The following SGCZ variants were observed in gnomAD, a reference collection of about 807,000 sequenced individuals.
SGCZ encodes zeta-sarcoglycan.
In SGCZ, 40 loss-of-function variants were observed where a neutral mutation model predicts 41.3. That is an observed-to-expected ratio of 0.97 (90% CI 0.75 to 1.26). The LOEUF (loss-of-function observed/expected upper bound fraction) is 1.26, where lower values mean the gene tolerates loss of function less well. Ranked by LOEUF, SGCZ falls within the 50% of genes most tolerant of loss-of-function variation. The pLI is 0.00. For missense variants in SGCZ, 552 were observed against 369.8 expected, an observed-to-expected ratio of 1.49 and a Z score of -4.04; for synonymous variants, 206 against 137.5, an observed-to-expected ratio of 1.50 and a Z score of -3.49.
At chr8:14,368,004 T>C (rs984130833) in intron 2 of SGCZ, among the ~76,000 whole-genome samples, 1 of 152,114 alleles carries the variant, frequency 6.6e-6, no homozygotes, top group African/African-American at 2.4e-5. Context: ...GAGTTTTATA[T>C]CTATTTTAAT....
At chr8:14,383,694 C>A (rs1804456901) in intron 2 of SGCZ, among the ~76,000 whole-genome samples, 1 of 152,108 alleles carries the variant, frequency 6.6e-6, no homozygotes, top group African/African-American at 2.4e-5. Context: ...ATGTTAAGAG[C>A]AAACACTGGT....
chr8:14,131,403 AGTT>A (rs1212614297), intron 5 of SGCZ, among the ~76,000 whole-genome samples: 7 of 152,168 alleles, frequency 4.6e-5, no homozygotes, highest in African/African-American at 4.8e-5. Flanking sequence ...TTGGTTGACA[AGTT>A]GTTGTTGTTT....
intron 1 of SGCZ, among the ~76,000 whole-genome samples, chr8:15,054,601 T>C (rs1041196546): frequency 3.9e-5 from 6 of 152,202 alleles, no homozygotes; most frequent in African/African-American, 1.4e-4. Context: ...TACTTGAATG[T>C]GTTAGCTCTA....
At chr8:15,056,527 C>A (rs117200330) in intron 1 of SGCZ, among the ~76,000 whole-genome samples, 5,901 of 149,288 alleles carry the variant, frequency 0.04, 150 homozygotes, top group Non-Finnish European at 0.057. Flanking sequence ...GTCTTCTTTG[C>A]CTTAATGTAG....
chr8:14,346,458 C>T (rs1802894132), intron 2 of SGCZ, among the ~76,000 whole-genome samples: 1 of 151,904 alleles, frequency 6.6e-6, no homozygotes, highest in African/African-American at 2.4e-5. Context: ...TGAAAAAGAA[C>T]TATATATAAA....
chr8:14,324,046 G>A (rs1021495308), intron 3 of SGCZ, 57 bp downstream of exon 3: 1 of 1,241,680 alleles, frequency 8.1e-7, no homozygotes, highest in Non-Finnish European at 1.2e-6. Context: ...GCTATTTCAA[G>A]CTAAAACATA....
At chr8:14,273,071 T>G (rs1256505633) in intron 3 of SGCZ, among the ~76,000 whole-genome samples, 1 of 152,018 alleles carries the variant, frequency 6.6e-6, no homozygotes, top group East Asian at 1.9e-4. Context: ...TGTATACAAT[T>G]TCTTAATTTT....
At chr8:14,163,010 A>C (rs1804093346) in intron 5 of SGCZ, among the ~76,000 whole-genome samples, 1 of 152,152 alleles carries the variant, frequency 6.6e-6, no homozygotes, top group Admixed American at 6.5e-5. Context: ...AGCTGGGACT[A>C]TGGACACACA....
intron 1 of SGCZ, among the ~76,000 whole-genome samples, chr8:14,600,586 A>G (rs899684572): frequency 6.6e-6 from 1 of 152,254 alleles, no homozygotes; most frequent in Admixed American, 6.5e-5. Context: ...CCACAGGAGG[A>G]TGCAGGTATA....
At chr8:14,612,374 G>A (rs953764793) in intron 1 of SGCZ, among the ~76,000 whole-genome samples, 5 of 152,154 alleles carry the variant, frequency 3.3e-5, no homozygotes, top group Non-Finnish European at 7.3e-5. Flanking sequence ...TGAAAAAGGT[G>A]TTTGCTTCCC....
At chr8:15,044,776 G>C (rs1804241680) in intron 1 of SGCZ, among the ~76,000 whole-genome samples, 1 of 151,968 alleles carries the variant, frequency 6.6e-6, no homozygotes, top group Non-Finnish European at 1.5e-5. Context: ...GGGTGGGTAG[G>C]GTTAGGAAGA....
chr8:14,492,337 GTTTC>G (rs1262481838), intron 2 of SGCZ, among the ~76,000 whole-genome samples: 1 of 152,056 alleles, frequency 6.6e-6, no homozygotes, highest in Admixed American at 6.6e-5. Context: ...TAAAAATTAT[GTTTC>G]TTTGTGTATT....
intron 5 of SGCZ, among the ~76,000 whole-genome samples, chr8:14,134,122 C>T (rs998969462): frequency 1.3e-5 from 2 of 152,136 alleles, no homozygotes; most frequent in African/African-American, 4.8e-5. Context: ...TAACAATTGA[C>T]AAATATCTAT....
At chr8:14,384,251 T>A (rs904921308) in intron 2 of SGCZ, among the ~76,000 whole-genome samples, 1 of 152,150 alleles carries the variant, frequency 6.6e-6, no homozygotes, top group Non-Finnish European at 1.5e-5. Context: ...TTGCTGAGAA[T>A]GATGGTTTCC....
At chr8:14,103,745 T>C (rs1563128376) in intron 6 of SGCZ, among the ~76,000 whole-genome samples, 1 of 152,136 alleles carries the variant, frequency 6.6e-6, no homozygotes, top group South Asian at 2.1e-4. Flanking sequence ...GGGTGAGGTT[T>C]TGAATGTGTC....
intron 2 of SGCZ, among the ~76,000 whole-genome samples, chr8:14,492,427 T>C (rs1235860620): frequency 6.6e-6 from 1 of 152,198 alleles, no homozygotes; most frequent in Non-Finnish European, 1.5e-5. Context: ...AGAAAATCAG[T>C]AAATGTTTAG....
chr8:14,099,614 A>G (rs1801949409), intron 7 of SGCZ, among the ~76,000 whole-genome samples: 1 of 152,018 alleles, frequency 6.6e-6, no homozygotes. Flanking sequence ...AATCCCACCT[A>G]CTAGGGAGGC....
chr8:14,190,746 G>C lies in SGCZ; in HGVS notation c.425-26044C>G, dbSNP rs916410805. On this transcript the variant is annotated intron_variant, in intron 4 of 7. Transcript: ENST00000382080. ...GCCTCCCAAGTAGCTGGGACTACAG[G>C]TGCCCTCCACCACGCCCGGCTAATT... 4.6e-5 allele frequency among the ~76,000 whole-genome samples: 7 copies of C among 151,960 alleles called. No individual in the cohort carries two copies. The South Asian group carries it at 1.5e-3, about 32-fold the overall frequency.
At chr8:14,161,814 A>G (rs1804054264) in intron 5 of SGCZ, among the ~76,000 whole-genome samples, 1 of 152,134 alleles carries the variant, frequency 6.6e-6, no homozygotes, top group South Asian at 2.1e-4. Flanking sequence ...GAAAGAAATG[A>G]AAAGAGAGAG....
Sources: allele counts gnomAD v4.1 joint callset (sites outside exome capture counted in the v4.1 genomes callset), GRCh38; gene constraint gnomAD v4.1.1; transcripts MANE v1.5; gene names NCBI Gene and HGNC (gene_info 2026-07-23, HGNC 2026-07-21).